MTHFSD: variants seen among roughly 807,000 people sequenced by gnomAD.
MTHFSD encodes methenyltetrahydrofolate synthetase domain containing.
Under a neutral mutation model 31.1 loss-of-function variants are expected in MTHFSD, and 37 were observed. That is an observed-to-expected ratio of 1.19 (90% CI 0.91 to 1.56). The LOEUF is 1.56. Among genes scored for constraint, MTHFSD ranks in the 40% most tolerant of loss-of-function variants. The pLI is 0.00. For synonymous variants in MTHFSD, 221 were observed against 206.9 expected (o/e 1.07, Z -0.59); for missense variants, 664 against 510.1 (o/e 1.30, Z -2.91).
Position 86,548,509 on chromosome 16 carries a change from G to C in MTHFSD, c.306C>G (p.Pro102=). The C allele has an allele frequency of 6.2e-7, 1 of 1,613,856 alleles. No homozygotes were observed. ...TCAAGATGTCTTTAGTTGCCCCAGG[G>C]GGTGGTGTGATCTTATTAAACAATC... ...RTGLFNKITP[P]PGATKDILRK... The change falls in exon 4 of 8, where the codon CCC becomes CCG. Residue 102 remains proline (P), a synonymous_variant. Transcript: ENST00000360900.
chr16:86,554,719 T>C lies in MTHFSD; in HGVS notation c.49A>G (p.Ile17Val), dbSNP rs1173100148. 6.2e-7 allele frequency: 1 copy of C among 1,614,194 alleles called. No individual in the cohort carries two copies. Among genetic ancestry groups the C allele is most frequent in the South Asian group, 1.1e-5 (1 of 91,086 alleles). The change falls in exon 2 of 8, where the codon ATT becomes GTT. Residue 17 changes from isoleucine (I) to valine (V), a missense_variant. Transcript: ENST00000360900. ...TTTTGTGATTCCATGTAGCCCCAAA[T>C]TTGTTCACGTATGTCCTGTTTGGAG... is the stretch of plus-strand genomic sequence containing the variant. The part of the protein sequence containing the change: ...GVSKQDIREQ[I>V]WGYMESQNLA...
At chr16:86,552,644 C>T (rs1945577479) in intron 2 of MTHFSD, among the ~76,000 whole-genome samples, 1 of 152,210 alleles carries the variant, frequency 6.6e-6, no homozygotes, top group Non-Finnish European at 1.5e-5. Flanking sequence ...AAGATTTCTA[C>T]ATGATTCTCT....
At chr16:86,545,378 G>A (rs1023458538) in intron 5 of MTHFSD, among the ~76,000 whole-genome samples, 1 of 152,102 alleles carries the variant, frequency 6.6e-6, no homozygotes, top group Non-Finnish European at 1.5e-5. Flanking sequence ...TTTACACAGG[G>A]GGTTAGCTAA....
At chr16:86,549,550 G>C (rs1028115849) in intron 3 of MTHFSD, among the ~76,000 whole-genome samples, 19 of 152,170 alleles carry the variant, frequency 1.2e-4, no homozygotes, top group Admixed American at 9.8e-4. Flanking sequence ...CTCCCTCATG[G>C]GCAGTGTTGG....
intron 7 of MTHFSD, among the ~76,000 whole-genome samples, chr16:86,535,895 G>T (rs1970625917): frequency 6.6e-6 from 1 of 152,052 alleles, no homozygotes; most frequent in African/African-American, 2.4e-5. Flanking sequence ...TGTCACCCAG[G>T]CTGGAGTACA....
intron 4 of MTHFSD, chr16:86,547,420 A>C: frequency 1.0e-6 from 1 of 985,810 alleles, no homozygotes; most frequent in Non-Finnish European, 1.2e-6. Flanking sequence ...CTGCAGTGCT[A>C]TGACAAGTTC....
At position 86,548,568 on chromosome 16, in the gene MTHFSD, T is replaced by A. The variant is rs1261967422; in HGVS notation, c.247A>T (p.Thr83Ser). 1.2e-6 allele frequency: 2 copies of A among 1,608,180 alleles called. No homozygotes were observed. The highest frequency in any genetic ancestry group is 2.7e-5 in the African/African-American group (2 of 74,700). Residue 83 changes from threonine to serine, a missense_variant, in exon 4 of 8, where the codon ACA becomes TCA. By Grantham distance (58) the Thr-to-Ser change is moderately conservative. Coordinates refer to ENST00000360900, the MANE Select transcript of MTHFSD (RefSeq NM_001159377.2). The part of the protein sequence containing the change: ...VRLLVLQSKK[T>S]LLVPTPRLRT... ...AGTCGTGGTGTTGGAACCAACAATGTTTTTTTGCTCTTTTAAAGAAAAGAC... is the reference window on the plus strand; with the variant it reads ...AGTCGTGGTGTTGGAACCAACAATGATTTTTTGCTCTTTTAAAGAAAAGAC...
At position 86,532,414 on chromosome 16, in the gene MTHFSD, C is replaced by T; in HGVS notation, c.749G>A (p.Gly250Glu). 2.0e-6 allele frequency: 3 copies of T among 1,501,046 alleles called. No individual in the cohort carries two copies. Among genetic ancestry groups the T allele is most frequent in the Non-Finnish European group, 2.7e-6 (3 of 1,124,818 alleles). The allele number at this position is 1,501,046 out of a possible 1,614,324, so 93.0% of individuals were successfully genotyped here. A position where few individuals can be genotyped will look rare whatever the true frequency, so the allele number is the denominator to read the frequency against. ...RSLRAREQQA[G>E]KDVTLQGEHQ... ...CTCACCCTGGAGGGTGACATCCTTCCCAGCCTGCTGCTCTCGGGCGCGGAG... is the reference window on the plus strand; with the variant it reads ...CTCACCCTGGAGGGTGACATCCTTCTCAGCCTGCTGCTCTCGGGCGCGGAG... Residue 250 changes from glycine (G) to glutamate (E), a missense_variant, in exon 8 of 8, where the codon GGG becomes GAG. Transcript: ENST00000360900.
At chr16:86,554,982 C>T in intron 1 of MTHFSD, 187 bp downstream of exon 1, 1 of 1,336,284 alleles carries the variant, frequency 7.5e-7, no homozygotes, top group Non-Finnish European at 9.9e-7. Context: ...ACATCTTTCT[C>T]GGGATTCCGG....
chr16:86,543,481 C>A (rs926899717), intron 5 of MTHFSD, among the ~76,000 whole-genome samples: 7 of 152,226 alleles, frequency 4.6e-5, no homozygotes, highest in African/African-American at 1.7e-4. Context: ...AAAGCCAAAT[C>A]TGGAAATAAC....
chr16:86,535,652 A>G, intron 7 of MTHFSD: 1 of 323,602 alleles, frequency 3.1e-6, no homozygotes, highest in Non-Finnish European at 4.4e-6. Context: ...AGACATGCTA[A>G]GTCAAATACG....
intron 7 of MTHFSD, chr16:86,541,135 C>T: frequency 4.7e-6 from 6 of 1,287,068 alleles, no homozygotes; most frequent in Non-Finnish European, 6.1e-6. Flanking sequence ...TCATAACCTA[C>T]AGGCTGATTT....
intron 3 of MTHFSD, 30 bp from the exon 4 acceptor site, chr16:86,548,607 C>CA: frequency 1.3e-6 from 2 of 1,544,318 alleles, no homozygotes; most frequent in South Asian, 2.4e-5. Context: ...CAATAAATTA[C>CA]AAAATCAAAT....
chr16:86,555,120 C>T (rs1182673515), intron 1 of MTHFSD, 49 bp downstream of exon 1: 3 of 1,529,712 alleles, frequency 2.0e-6, no homozygotes, highest in African/African-American at 2.7e-5. Flanking sequence ...CCGGTCCCGG[C>T]TGTCCCTCCC....
intron 7 of MTHFSD, chr16:86,533,605 A>C (rs890926887): frequency 5.3e-5 from 8 of 152,182 alleles, no homozygotes; most frequent in Admixed American, 2.6e-4. Context: ...CTCTCATTAC[A>C]TTCAGAATAA....
At chr16:86,536,226 TAA>T (rs1970674428) in intron 7 of MTHFSD, among the ~76,000 whole-genome samples, 1 of 152,196 alleles carries the variant, frequency 6.6e-6, no homozygotes. Flanking sequence ...TGCCTGAGAC[TAA>T]ATTTGGTTGT....
chr16:86,550,592 C>G (rs9922082), intron 3 of MTHFSD, among the ~76,000 whole-genome samples: 2 of 152,158 alleles, frequency 1.3e-5, no homozygotes, highest in Admixed American at 6.5e-5. Flanking sequence ...TCAAGTGTCA[C>G]AGAGGAGCAG....
At chr16:86,534,525 C>T (rs916281803) in intron 7 of MTHFSD, among the ~76,000 whole-genome samples, 1 of 151,940 alleles carries the variant, frequency 6.6e-6, no homozygotes, top group African/African-American at 2.4e-5. Flanking sequence ...TAAGCCCAAC[C>T]ACCCCAACCT....
chr16:86,554,816 T>C, intron 1 of MTHFSD, 65 bp from the exon 2 acceptor site: 2 of 1,393,150 alleles, frequency 1.4e-6, no homozygotes, highest in Non-Finnish European at 1.0e-6. Flanking sequence ...TGAAACCGCT[T>C]AACAGTAGTT....
Sources: allele counts gnomAD v4.1 joint callset (sites outside exome capture counted in the v4.1 genomes callset), GRCh38; gene constraint gnomAD v4.1.1; transcripts MANE v1.5; gene names NCBI Gene and HGNC (gene_info 2026-07-23, HGNC 2026-07-21).